Variants in TSPAN5 observed in about 807,000 individuals in gnomAD.
The protein encoded by TSPAN5 is tetraspanin 5.
In TSPAN5, 10 loss-of-function variants were observed where a neutral mutation model predicts 37.1. That is an observed-to-expected ratio of 0.27 (90% CI 0.17 to 0.46). The LOEUF (loss-of-function observed/expected upper bound fraction) is 0.46. Ranked by LOEUF, TSPAN5 falls within the 20% of genes least tolerant of loss-of-function variation. The pLI, the probability that TSPAN5 is intolerant of heterozygous loss-of-function variation, is 1.00. For missense variants in TSPAN5, 195 were observed against 326.6 expected (o/e 0.60, Z 3.11); for synonymous variants, 110 against 118.9 (o/e 0.93, Z 0.48).
chr4:98,538,032 T>C (rs1474935102), intron 1 of TSPAN5, among the ~76,000 whole-genome samples: 1 of 152,246 alleles, frequency 6.6e-6, no homozygotes, highest in Non-Finnish European at 1.5e-5. Flanking sequence ...CTGGGGACTT[T>C]GGCACCTGAG....
chr4:98,614,372 C>T lies in TSPAN5; in HGVS notation c.81+43774G>A, dbSNP rs182565153. Among the ~76,000 whole-genome samples, 199 of 152,294 alleles carry T rather than the reference C, an allele frequency of 1.3e-3. 1 individual carries two copies. Among genetic ancestry groups the T allele is most frequent in the African/African-American group, 3.8e-3 (159 of 41,562 alleles). On this transcript the variant is annotated intron_variant, in intron 1 of 7. Coordinates refer to ENST00000305798, the MANE Select transcript of TSPAN5 (RefSeq NM_005723.4). ...CTCCATCCCCTTGCCTGGGCTGTGG[C>T]GGGTAGAGTGGGCTGCATTTCTGAC...
intron 3 of TSPAN5, chr4:98,482,968 T>C (rs1255136433): frequency 6.6e-6 from 1 of 152,180 alleles, no homozygotes; most frequent in Non-Finnish European, 1.5e-5. Context: ...ACGTGGTAAC[T>C]GCCCGTAACT....
intron 1 of TSPAN5, among the ~76,000 whole-genome samples, chr4:98,588,935 A>G (rs928224397): frequency 6.6e-6 from 1 of 152,168 alleles, no homozygotes; most frequent in South Asian, 2.1e-4. Flanking sequence ...TAGATTAACA[A>G]CCCTAGAAAG....
chr4:98,520,249 C>CTCTA (rs1173066809), intron 1 of TSPAN5, among the ~76,000 whole-genome samples: 44 of 152,316 alleles, frequency 2.9e-4, no homozygotes, highest in African/African-American at 1.0e-3. Context: ...AAGGGGCCAG[C>CTCTA]TCTACTAAGC....
chr4:98,487,088 AAGAG>A (rs369637803), intron 2 of TSPAN5, among the ~76,000 whole-genome samples: 20 of 145,820 alleles, frequency 1.4e-4, no homozygotes, highest in Admixed American at 1.2e-3. Context: ...AAGAAAGAGA[AAGAG>A]AGAGAAAGAG....
chr4:98,612,477 T>A (rs1472495596), intron 1 of TSPAN5, among the ~76,000 whole-genome samples: 1 of 152,200 alleles, frequency 6.6e-6, no homozygotes, highest in Non-Finnish European at 1.5e-5. Context: ...TGTTCTCAAA[T>A]GAAATCCATT....
chr4:98,641,573 C>T (rs1054151938), intron 1 of TSPAN5, among the ~76,000 whole-genome samples: 4 of 152,158 alleles, frequency 2.6e-5, no homozygotes, highest in Non-Finnish European at 4.4e-5. Flanking sequence ...TTAATCAAAA[C>T]GACTGCGCCA....
chr4:98,621,791 C>CG (rs1222942889), intron 1 of TSPAN5, among the ~76,000 whole-genome samples: 1 of 151,096 alleles, frequency 6.6e-6, no homozygotes, highest in Non-Finnish European at 1.5e-5. Context: ...CATTCCCACC[C>CG]CCCCCGCAGC....
At chr4:98,513,897 GA>G (rs1753672149) in intron 1 of TSPAN5, among the ~76,000 whole-genome samples, 1 of 151,404 alleles carries the variant, frequency 6.6e-6, no homozygotes, top group Non-Finnish European at 1.5e-5. Context: ...TAGATAGATA[GA>G]TAGATAGATA....
chr4:98,472,319 C>A lies in TSPAN5; in HGVS notation c.*203G>T. ...ACAGTAGAGATTCACGGCGCAACGA[C>A]TTTCATACTGGTTATTTTTTTTTTT... On this transcript the variant is annotated 3_prime_UTR_variant, in exon 8 of 8. Transcript: ENST00000305798. The A allele has an allele frequency of 2.1e-6, 1 of 472,074 alleles. No individual in the cohort carries two copies. The allele number at this position is 472,074 out of a possible 1,614,324, so 29.2% of individuals were successfully genotyped here.
At chr4:98,551,225 A>C (rs547381731) in intron 1 of TSPAN5, among the ~76,000 whole-genome samples, 142 of 152,264 alleles carry the variant, frequency 9.3e-4, no homozygotes, top group African/African-American at 3.3e-3. Context: ...CTTAGGATAA[A>C]TCCCACCTGA....
rs532217107 is a variant in TSPAN5 at position 98,625,068 on chromosome 4, G to A, written c.81+33078C>T. The stretch of plus-strand genomic sequence containing the variant: ...AATAACAACAACAATAATAGGAAAG[G>A]GAGGAGGAGAAAAAGCTAATAATTG... On this transcript the variant is annotated intron_variant, in intron 1 of 7. Coordinates refer to ENST00000305798, the MANE Select transcript of TSPAN5 (RefSeq NM_005723.4). 4.6e-5 allele frequency among the ~76,000 whole-genome samples: 7 copies of A among 152,316 alleles called. No homozygotes were observed. The South Asian group carries it at 1.2e-3, about 27-fold the overall frequency.
At chr4:98,475,222 G>A (rs1305755775) in intron 7 of TSPAN5, among the ~76,000 whole-genome samples, 2 of 152,178 alleles carry the variant, frequency 1.3e-5, no homozygotes, top group Non-Finnish European at 2.9e-5. Flanking sequence ...AATTTTGATA[G>A]GGATTACACT....
chr4:98,571,439 A>G (rs773901556), intron 1 of TSPAN5, among the ~76,000 whole-genome samples: 55 of 138,104 alleles, frequency 4.0e-4, no homozygotes, highest in Non-Finnish European at 6.7e-4. Context: ...GTTCTCCCAC[A>G]AACCGTTCTG....
intron 1 of TSPAN5, among the ~76,000 whole-genome samples, chr4:98,529,666 C>T (rs957937516): frequency 3.9e-5 from 6 of 152,276 alleles, no homozygotes; most frequent in African/African-American, 1.2e-4. Flanking sequence ...CTCCAGAATC[C>T]CGACCACTCC....
chr4:98,545,153 G>A (rs775792443), intron 1 of TSPAN5, among the ~76,000 whole-genome samples: 3 of 152,342 alleles, frequency 2.0e-5, no homozygotes, highest in Middle Eastern at 3.4e-3. Flanking sequence ...AATTACCAGA[G>A]AAGAGGGTTT....
chr4:98,530,310 C>T (rs1008471034), intron 1 of TSPAN5, among the ~76,000 whole-genome samples: 1 of 152,202 alleles, frequency 6.6e-6, no homozygotes, highest in Non-Finnish European at 1.5e-5. Flanking sequence ...TTTTGTTGCT[C>T]ATCAGCCTGT....
intron 1 of TSPAN5, among the ~76,000 whole-genome samples, chr4:98,533,543 C>CTTTTTTTTTTGT (rs1754150136): frequency 1.7e-5 from 1 of 58,582 alleles, no homozygotes; most frequent in African/African-American, 9.1e-5. Flanking sequence ...TCCCCTATAT[C>CTTTTTTTTTTGT]TTTTTTTTTT....
chr4:98,657,146 T>A (rs558072406), intron 1 of TSPAN5, among the ~76,000 whole-genome samples: 1 of 152,298 alleles, frequency 6.6e-6, no homozygotes, highest in Admixed American at 6.5e-5. Flanking sequence ...GTTTTCCCCT[T>A]GTCCTGGAGA....
Sources: allele counts gnomAD v4.1 joint callset (sites outside exome capture counted in the v4.1 genomes callset), GRCh38; gene constraint gnomAD v4.1.1; transcripts MANE v1.5; gene names NCBI Gene and HGNC (gene_info 2026-07-23, HGNC 2026-07-21).